SLC38A6: variants seen among roughly 807,000 people sequenced by gnomAD.
SLC38A6 encodes N system amino acid transporter NAT-1.
In SLC38A6, 73 loss-of-function variants were observed where a neutral mutation model predicts 65.0. The ratio of observed to expected loss-of-function variants is 1.12; its 90% CI spans 0.93 to 1.37. The LOEUF is 1.37. Ranked by LOEUF, SLC38A6 falls within the 40% of genes most tolerant of loss-of-function variation. The probability of loss-of-function intolerance (pLI) is 0.00; values close to 1 mark genes in which losing one functional copy is unlikely to be tolerated. For synonymous variants in SLC38A6, 183 were observed against 178.8 expected (o/e 1.02, Z -0.19); for missense variants, 561 against 531.1 (o/e 1.06, Z -0.55).
intron 3 of SLC38A6, chr14:60,987,170 T>C (rs2037511339): frequency 8.1e-6 from 1 of 123,500 alleles, no homozygotes; most frequent in Non-Finnish European, 1.6e-5. Context: ...AGGCTTTTCC[T>C]TTTTTTTTTT....
At chr14:61,018,319 A>G (rs2040139993) in intron 4 of SLC38A6, among the ~76,000 whole-genome samples, 1 of 152,240 alleles carries the variant, frequency 6.6e-6, no homozygotes, top group African/African-American at 2.4e-5. Context: ...TTTTGGAACT[A>G]AGTTTTACAT....
At chr14:60,993,548 A>C (rs141136576) in intron 3 of SLC38A6, among the ~76,000 whole-genome samples, 21 of 152,312 alleles carry the variant, frequency 1.4e-4, no homozygotes, top group African/African-American at 4.3e-4. Flanking sequence ...AGTTAGTAGG[A>C]GTTCTGAGAC....
rs184395833 is a variant in SLC38A6, at chr14:60,982,345, G to A, written c.106-163G>A. Reference sequence around the variant, plus strand: ...CTGGAGCTGCAGTAGTGGGAGGTGGGAAGGAAAGGAAAGGAAATTAGTGTT... The same window carrying A: ...CTGGAGCTGCAGTAGTGGGAGGTGGAAAGGAAAGGAAAGGAAATTAGTGTT... On this transcript the variant is annotated intron_variant, in intron 1 of 15. Transcript: ENST00000267488. 1.5e-5 allele frequency: 12 copies of A among 824,890 alleles called. No homozygotes were observed. In the Admixed American group the frequency reaches 1.6e-4, roughly 11 times the overall value. The allele number at this position is 824,890 out of a possible 1,614,324, so 51.1% of individuals were successfully genotyped here. A position where few individuals can be genotyped will look rare whatever the true frequency, so the allele number is the denominator to read the frequency against.
Position 61,052,616 on chromosome 14 carries a change from C to A in SLC38A6, c.*187C>A. 1 of 664,980 alleles carries A rather than the reference C, an allele frequency of 1.5e-6. No individual in the cohort carries two copies. The highest frequency in any genetic ancestry group is 2.1e-6 in the Non-Finnish European group (1 of 470,472). The allele number at this position is 664,980 out of a possible 1,614,324, so 41.2% of individuals were successfully genotyped here. A position where few individuals can be genotyped will look rare whatever the true frequency, so the allele number is the denominator to read the frequency against. On this transcript the variant is annotated 3_prime_UTR_variant, in exon 16 of 16. Transcript: ENST00000267488. ...TTTTAATCAAAAAAAGAAACAAACT[C>A]GAAATGCTCTTAAATATATTGGGTT...
intron 3 of SLC38A6, among the ~76,000 whole-genome samples, chr14:60,998,525 CT>C (rs1280960813): frequency 6.6e-6 from 1 of 152,152 alleles, no homozygotes; most frequent in Non-Finnish European, 1.5e-5. Flanking sequence ...TGAGAGCCAC[CT>C]CCATCACCTA....
rs192764202 is a variant in SLC38A6, at chr14:61,021,839, G to A, written c.403+2259G>A. On this transcript the variant is annotated intron_variant, in intron 5 of 15. Transcript: ENST00000267488. Reference sequence around the variant, plus strand: ...TTCAGAGTTTTTTCTGTCTTTTTTCGTAGCCAGATGTACATAAACCATTTC... The same window carrying A: ...TTCAGAGTTTTTTCTGTCTTTTTTCATAGCCAGATGTACATAAACCATTTC... Among the ~76,000 whole-genome samples the A allele has an allele frequency of 1.0e-3, 151 of 151,758 alleles. 1 individual carries two copies. Among genetic ancestry groups the A allele is most frequent in the African/African-American group, 3.2e-3 (133 of 41,402 alleles).
In SLC38A6 at chr14:61,014,114, C is replaced by G. The variant is rs374310471; in HGVS notation, c.311-1790C>G. Among the ~76,000 whole-genome samples, 14 of 152,164 alleles carry G rather than the reference C, an allele frequency of 9.2e-5. 1 individual carries two copies. Among genetic ancestry groups the G allele is most frequent in the Admixed American group, 6.5e-4 (10 of 15,280 alleles). ...ATTCTTTTTTCTCTAAACTTCTCTT[C>G]TCGCTTCATTTCATTCATTTGATCT... On this transcript the variant is annotated intron_variant, in intron 3 of 15. Coordinates refer to ENST00000267488, the MANE Select transcript of SLC38A6 (RefSeq NM_153811.3).
intron 15 of SLC38A6, among the ~76,000 whole-genome samples, chr14:61,060,841 C>G (rs1201302699): frequency 8.6e-6 from 1 of 116,500 alleles, no homozygotes; most frequent in African/African-American, 3.4e-5. Flanking sequence ...GTTTCTTAAG[C>G]CGGTCTGAAA....
At chr14:61,055,095 TAAGTC>T (rs1414102079), downstream of SLC38A6, among the ~76,000 whole-genome samples, 1 of 104,572 alleles carries the variant, frequency 9.6e-6, no homozygotes. Flanking sequence ...TTTTTTTTTT[TAAGTC>T]TTTTTCTTTT....
At chr14:61,043,902 G>A (rs1476827161) in intron 10 of SLC38A6, among the ~76,000 whole-genome samples, 1 of 152,098 alleles carries the variant, frequency 6.6e-6, no homozygotes, top group African/African-American at 2.4e-5. Flanking sequence ...ACCTTGGTCT[G>A]TAGCTAAACA....
chr14:60,990,384 A>G (rs190880848), intron 3 of SLC38A6, among the ~76,000 whole-genome samples: 86 of 151,170 alleles, frequency 5.7e-4, no homozygotes, highest in African/African-American at 1.6e-3. Context: ...CTGGCCTGGA[A>G]CTCTCCCCTG....
At chr14:60,991,893 A>C (rs1453744481) in intron 3 of SLC38A6, among the ~76,000 whole-genome samples, 2 of 152,206 alleles carry the variant, frequency 1.3e-5, no homozygotes, top group Admixed American at 1.3e-4. Context: ...AAAGAGAGAA[A>C]GGGATGCCTA....
intron 11 of SLC38A6, 126 bp downstream of exon 11, chr14:61,045,551 A>G: frequency 3.0e-6 from 2 of 669,110 alleles, no homozygotes; most frequent in Non-Finnish European, 5.0e-6. Context: ...GTGTTAGTTT[A>G]AAACAAAACA....
intron 3 of SLC38A6, among the ~76,000 whole-genome samples, chr14:61,012,960 A>G (rs2039694081): frequency 6.6e-6 from 1 of 152,118 alleles, no homozygotes; most frequent in Admixed American, 6.5e-5. Flanking sequence ...TGTCTCGTGG[A>G]TCTGTCTAAT....
At chr14:61,010,941 G>A (rs571026934) in intron 3 of SLC38A6, among the ~76,000 whole-genome samples, 1 of 152,248 alleles carries the variant, frequency 6.6e-6, no homozygotes, top group African/African-American at 2.4e-5. Context: ...TAGCTCGTTG[G>A]GGATGGCATT....
At chr14:61,003,237 GAA>G (rs1159333181) in intron 3 of SLC38A6, among the ~76,000 whole-genome samples, 1 of 151,828 alleles carries the variant, frequency 6.6e-6, no homozygotes, top group Non-Finnish European at 1.5e-5. Flanking sequence ...GAAAGAAAAA[GAA>G]AAAAGTTTGT....
At chr14:61,041,436 G>A (rs1369692447) in intron 8 of SLC38A6, among the ~76,000 whole-genome samples, 1 of 152,034 alleles carries the variant, frequency 6.6e-6, no homozygotes, top group Admixed American at 6.6e-5. Context: ...TGATAATATT[G>A]CACTTTGGAG....
intron 15 of SLC38A6, among the ~76,000 whole-genome samples, chr14:61,075,760 G>A (rs969199082): frequency 6.7e-6 from 1 of 150,218 alleles, no homozygotes; most frequent in Non-Finnish European, 1.5e-5. Flanking sequence ...CCAAGAACGT[G>A]CCATAGATCA....
intron 3 of SLC38A6, among the ~76,000 whole-genome samples, chr14:61,012,299 G>C (rs964614276): frequency 2.0e-5 from 3 of 151,748 alleles, no homozygotes; most frequent in African/African-American, 7.3e-5. Flanking sequence ...TCTTGCTAGC[G>C]GTCTATCAAT....
Sources: allele counts gnomAD v4.1 joint callset (sites outside exome capture counted in the v4.1 genomes callset), GRCh38; gene constraint gnomAD v4.1.1; transcripts MANE v1.5; gene names NCBI Gene and HGNC (gene_info 2026-07-23, HGNC 2026-07-21).